Variants in CTNNA3 observed in about 807,000 individuals in gnomAD.
The protein encoded by CTNNA3 is catenin alpha-3.
In CTNNA3, 76 loss-of-function variants were observed where a neutral mutation model predicts 95.7. The observed-to-expected ratio is 0.79, with a 90% CI of 0.66 to 0.96. The LOEUF is 0.96. Ranked by LOEUF, CTNNA3 falls within the 40% of genes least tolerant of loss-of-function variation. CTNNA3 has a pLI of 0.00. For missense variants in CTNNA3, 1,191 were observed against 1,089.8 expected (o/e 1.09, Z -1.31); for synonymous variants, 431 against 374.4 (o/e 1.15, Z -1.74).
chr10:66,369,236 A>G (rs2092734936), intron 12 of CTNNA3, among the ~76,000 whole-genome samples: 2 of 152,140 alleles, frequency 1.3e-5, no homozygotes, highest in Admixed American at 1.3e-4. Flanking sequence ...TGAGCTAGAA[A>G]TTTTGATTTG....
chr10:67,715,576 T>C (rs1255077496), intron 1 of CTNNA3, among the ~76,000 whole-genome samples: 1 of 152,108 alleles, frequency 6.6e-6, no homozygotes, highest in Non-Finnish European at 1.5e-5. Context: ...GAATCCCTTC[T>C]CTGAACTGTT....
intron 5 of CTNNA3, among the ~76,000 whole-genome samples, chr10:67,317,586 C>T (rs548064203): frequency 3.3e-5 from 5 of 152,006 alleles, no homozygotes; most frequent in African/African-American, 9.7e-5. Flanking sequence ...TCACCATGCC[C>T]GGCTAATTTT....
chr10:66,523,538 A>G (rs1056149549), intron 10 of CTNNA3, among the ~76,000 whole-genome samples: 1 of 152,206 alleles, frequency 6.6e-6, no homozygotes, highest in Non-Finnish European at 1.5e-5. Flanking sequence ...ATCTAGAGAA[A>G]ATAAAATAAC....
chr10:66,586,472 C>G (rs967924729), intron 10 of CTNNA3, among the ~76,000 whole-genome samples: 1 of 152,106 alleles, frequency 6.6e-6, no homozygotes, highest in Non-Finnish European at 1.5e-5. Context: ...ACCTGGTGTT[C>G]TAGCTTTTCA....
At chr10:67,695,346 C>T (rs763603282) in intron 1 of CTNNA3, among the ~76,000 whole-genome samples, 1 of 152,126 alleles carries the variant, frequency 6.6e-6, no homozygotes, top group Non-Finnish European at 1.5e-5. Flanking sequence ...GTGTAACTGA[C>T]AGCAGCTGCT....
At chr10:66,855,326 C>A (rs148936014) in intron 7 of CTNNA3, among the ~76,000 whole-genome samples, 74 of 152,090 alleles carry the variant, frequency 4.9e-4, no homozygotes, top group African/African-American at 1.6e-3. Context: ...GGGCATAGTA[C>A]TTTATAAAAG....
chr10:67,074,991 C>G (rs1856673484), intron 7 of CTNNA3, among the ~76,000 whole-genome samples: 1 of 152,156 alleles, frequency 6.6e-6, no homozygotes, highest in African/African-American at 2.4e-5. Flanking sequence ...AATTGATTCT[C>G]TCTCTTTTGG....
chr10:65,914,428 G>C lies in CTNNA3; in HGVS notation c.*5902C>G, dbSNP rs2076982443. ...CTATCCAGCAACATGGGCAAGAAGA[G>C]TCTAGCCTTCAGTCGACTCTAAAAA... On this transcript the variant is annotated 3_prime_UTR_variant, in exon 18 of 18. Coordinates refer to ENST00000433211, the MANE Select transcript of CTNNA3 (RefSeq NM_013266.4). 6.6e-6 allele frequency: 1 copy of C among 152,108 alleles called. No individual in the cohort carries two copies. The highest frequency in any genetic ancestry group is 1.9e-4 in the East Asian group (1 of 5,190). The allele number at this position is 152,108 out of a possible 1,614,324, so 9.4% of individuals were successfully genotyped here. A position where few individuals can be genotyped will look rare whatever the true frequency, so the allele number is the denominator to read the frequency against.
intron 5 of CTNNA3, among the ~76,000 whole-genome samples, chr10:67,301,893 C>G (rs931894556): frequency 1.3e-5 from 2 of 151,574 alleles, no homozygotes; most frequent in African/African-American, 4.9e-5. Flanking sequence ...GGCGTGAACC[C>G]GGGAGGCGGA....
At chr10:66,090,943 C>T (rs2081189227) in intron 14 of CTNNA3, among the ~76,000 whole-genome samples, 2 of 151,742 alleles carry the variant, frequency 1.3e-5, no homozygotes, top group Admixed American at 6.6e-5. Flanking sequence ...GTACTTTCAC[C>T]GTACAAAGGT....
At chr10:67,054,125 A>G (rs1684970910) in intron 7 of CTNNA3, among the ~76,000 whole-genome samples, 2 of 152,136 alleles carry the variant, frequency 1.3e-5, no homozygotes, top group East Asian at 3.8e-4. Context: ...TTATAATTCC[A>G]CATATTCACG....
chr10:65,944,918 T>C (rs6143956), intron 17 of CTNNA3, among the ~76,000 whole-genome samples: 19 of 143,700 alleles, frequency 1.3e-4, no homozygotes, highest in Admixed American at 1.2e-3. Context: ...TATCATCTAT[T>C]TATCATCTAT....
At chr10:66,346,246 TAGAGAG>T (rs371257440) in intron 12 of CTNNA3, among the ~76,000 whole-genome samples, 8 of 27,782 alleles carry the variant, frequency 2.9e-4, no homozygotes, top group South Asian at 1.4e-3. Flanking sequence ...TATATATATA[TAGAGAG>T]AGAGAGAGAG....
chr10:66,040,402 T>C lies in CTNNA3; in HGVS notation c.2159+28906A>G, dbSNP rs79863142. Reference sequence around the variant, plus strand: ...TAAATACTCAAAGGAATATAAATTGTTCTATTGTAAAGATAGATGCACGTG... The same window carrying C: ...TAAATACTCAAAGGAATATAAATTGCTCTATTGTAAAGATAGATGCACGTG... On this transcript the variant is annotated intron_variant, in intron 15 of 17. Coordinates refer to ENST00000433211, the MANE Select transcript of CTNNA3 (RefSeq NM_013266.4). 2.2e-3 allele frequency among the ~76,000 whole-genome samples: 340 copies of C among 152,188 alleles called. 3 individuals are homozygous for C. Among genetic ancestry groups the C allele is most frequent in the African/African-American group, 7.8e-3 (324 of 41,512 alleles).
chr10:66,149,997 T>G (rs76524033), intron 13 of CTNNA3, among the ~76,000 whole-genome samples: 4,931 of 152,318 alleles, frequency 0.032, 284 homozygotes, highest in African/African-American at 0.11. Context: ...GGACTTGGAT[T>G]ATTATTTCAT....
chr10:67,745,366 G>A (rs564646108), intron 1 of CTNNA3, among the ~76,000 whole-genome samples: 3 of 152,128 alleles, frequency 2.0e-5, no homozygotes, highest in East Asian at 1.9e-4. Flanking sequence ...GTAGTGACAT[G>A]GTTGAAGCTG....
chr10:66,254,158 T>G (rs1276369733), intron 13 of CTNNA3, among the ~76,000 whole-genome samples: 2 of 152,132 alleles, frequency 1.3e-5, no homozygotes, highest in Non-Finnish European at 2.9e-5. Context: ...CCCTGAAGGA[T>G]GAAGGCATCT....
In CTNNA3 at chr10:67,109,646, C is replaced by T. The variant is rs140009223; in HGVS notation, c.1047+70671G>A. On this transcript the variant is annotated intron_variant, in intron 7 of 17. Transcript: ENST00000433211. ...GATCACGAGATCAAGAGATCTAGAC[C>T]ATCCTGGCCAACATGGTGAAACCCC... Among the ~76,000 whole-genome samples, 396 of 151,748 alleles carry T rather than the reference C, an allele frequency of 2.6e-3. 1 individual carries two copies. The highest frequency in any genetic ancestry group is 9.1e-3 in the African/African-American group (375 of 41,374).
intron 7 of CTNNA3, among the ~76,000 whole-genome samples, chr10:67,054,058 TACAG>T (rs1855278235): frequency 6.6e-6 from 1 of 152,170 alleles, no homozygotes; most frequent in African/African-American, 2.4e-5. Flanking sequence ...CTTTGCAGAT[TACAG>T]ACACTTAGTA....
Sources: gnomAD v4.1 joint callset for allele counts (sites outside exome capture counted in the v4.1 genomes callset) on GRCh38, gnomAD v4.1.1 for gene constraint, MANE v1.5 for transcripts, NCBI Gene and HGNC (gene_info 2026-07-23, HGNC 2026-07-21) for gene names.